TCTN2: variants seen among roughly 807,000 people sequenced by gnomAD.
TCTN2 encodes tectonic-2.
In TCTN2, 66 loss-of-function variants were observed where a neutral mutation model predicts 83.4. The observed-to-expected ratio is 0.79, with a 90% CI of 0.65 to 0.97. The LOEUF (loss-of-function observed/expected upper bound fraction) is 0.97. TCTN2 is among the 50% of genes least tolerant of loss of function. TCTN2 has a pLI of 0.00. For missense variants in TCTN2, 794 were observed against 858.1 expected (o/e 0.93, Z 0.93); for synonymous variants, 301 against 326.7 (o/e 0.92, Z 0.85).
At chr12:123,683,601 CCTTT>C (rs1420849452) in intron 5 of TCTN2, among the ~76,000 whole-genome samples, 1 of 151,718 alleles carries the variant, frequency 6.6e-6, no homozygotes, top group Non-Finnish European at 1.5e-5. Context: ...TTATTTTTAA[CCTTT>C]CTTTTTTAAC....
rs763886472 is a variant in TCTN2 at position 123,694,921 on chromosome 12, C to T, written c.1179C>T (p.Thr393=). 7 of 1,613,098 alleles carry T rather than the reference C, an allele frequency of 4.3e-6. No individual in the cohort carries two copies. The highest frequency in any genetic ancestry group is 5.1e-6 in the Non-Finnish European group (6 of 1,179,206). Residue 393 remains threonine (T), a synonymous_variant, in exon 10 of 18, where the codon ACC becomes ACT. Transcript: ENST00000303372. The stretch of plus-strand genomic sequence containing the variant: ...ATATTTTCAAATGGAATAATAATAC[C>T]ATCAGTGAAATAAATGTTAAAATTT... The part of the protein sequence containing the change: ...EHYIFKWNNN[T]ISEINVKIFR...
At chr12:123,701,194 C>T (rs975021700) in intron 14 of TCTN2, among the ~76,000 whole-genome samples, 2 of 152,126 alleles carry the variant, frequency 1.3e-5, no homozygotes, top group Non-Finnish European at 2.9e-5. Context: ...ATGCAATGTC[C>T]AGAATGGGCA....
chr12:123,676,869 C>T (rs1955829415), intron 4 of TCTN2, among the ~76,000 whole-genome samples: 1 of 151,994 alleles, frequency 6.6e-6, no homozygotes. Context: ...ATAGTAAAAC[C>T]CTATTCTGAA....
chr12:123,687,356 A>G (rs6488893), intron 6 of TCTN2, among the ~76,000 whole-genome samples: 54,591 of 152,034 alleles, frequency 0.36, 10,285 homozygotes, highest in African/African-American at 0.41. Context: ...TACATCTATG[A>G]TTTTTGTAAT....
intron 14 of TCTN2, chr12:123,700,262 C>T (rs963728035): frequency 1.1e-5 from 3 of 272,944 alleles, no homozygotes; most frequent in East Asian, 1.7e-4. Flanking sequence ...CTGCCCACCC[C>T]AACCTCTTAA....
At position 123,695,384 on chromosome 12, in the gene TCTN2, C is replaced by T. The variant is rs1956095876; in HGVS notation, c.1312+87C>T. ...CATCAGGATGGTTATAAGTAACTCT[C>T]TCCAATTTAGTTTCTGACTCTGACC... On this transcript the variant is annotated intron_variant, in intron 11 of 17. Coordinates refer to ENST00000303372, the MANE Select transcript of TCTN2 (RefSeq NM_024809.5). The T allele has an allele frequency of 7.7e-6, 7 of 905,712 alleles. 1 individual carries two copies. In the South Asian group the frequency reaches 9.5e-5, roughly 12 times the overall value. The allele number at this position is 905,712 out of a possible 1,614,324, so 56.1% of individuals were successfully genotyped here.
intron 9 of TCTN2, 100 bp downstream of exon 9, chr12:123,692,823 T>A: frequency 1.0e-6 from 1 of 956,710 alleles, no homozygotes; most frequent in Non-Finnish European, 1.7e-6. Flanking sequence ...GTTAGTCATT[T>A]AAAAAGGTTC....
intron 4 of TCTN2, among the ~76,000 whole-genome samples, chr12:123,675,582 C>T (rs1255682177): frequency 6.6e-6 from 1 of 152,156 alleles, no homozygotes; most frequent in Non-Finnish European, 1.5e-5. Flanking sequence ...ACTGTGCCCT[C>T]AGTGTACTTG....
In TCTN2 at chr12:123,697,171, G is replaced by A. The variant is rs1054235211; in HGVS notation, c.1478G>A (p.Gly493Glu). 2.5e-6 allele frequency: 4 copies of A among 1,613,750 alleles called. No homozygotes were observed. In the African/African-American group the frequency reaches 4.0e-5, roughly 16 times the overall value. The change falls in exon 13 of 18, where the codon GGG (glycine) becomes GAG (glutamate). Residue 493 changes from glycine to glutamate, a missense_variant. Gly to Glu is a moderately conservative substitution (Grantham distance 98). Coordinates refer to ENST00000303372, the MANE Select transcript of TCTN2 (RefSeq NM_024809.5). ...NVLSGCLLEV[G>E]INENCTQLRE... ...CTCTCTGGATGCCTGTTAGAAGTCGGGATTAATGAAAATTGTACTCAGCTC... is the reference window on the plus strand; with the variant it reads ...CTCTCTGGATGCCTGTTAGAAGTCGAGATTAATGAAAATTGTACTCAGCTC...
intron 7 of TCTN2, 77 bp from the exon 8 acceptor site, chr12:123,690,456 G>C: frequency 5.6e-6 from 9 of 1,605,716 alleles, no homozygotes; most frequent in Non-Finnish European, 7.7e-6. Context: ...AGAAAGACCA[G>C]TTTTAAGGGA....
At chr12:123,692,607 A>G (rs1956056678) in intron 8 of TCTN2, 51 bp from the exon 9 acceptor site, 5 of 1,390,486 alleles carry the variant, frequency 3.6e-6, no homozygotes, top group African/African-American at 1.4e-5. Context: ...AAGTGTGATC[A>G]TGGTAGGCCA....
chr12:123,707,562 G>A (rs759973021), intron 17 of TCTN2, 42 bp from the exon 18 acceptor site: 2 of 1,564,680 alleles, frequency 1.3e-6, no homozygotes, highest in African/African-American at 1.4e-5. Context: ...TATCAAAAGA[G>A]TTAAGAAATA....
chr12:123,673,399 A>T (rs1955779827), intron 3 of TCTN2, among the ~76,000 whole-genome samples: 1 of 152,176 alleles, frequency 6.6e-6, no homozygotes, highest in South Asian at 2.1e-4. Flanking sequence ...AGTATCCCGA[A>T]GTTGTTTGCT....
intron 3 of TCTN2, among the ~76,000 whole-genome samples, 162 bp from the exon 4 acceptor site, chr12:123,673,453 G>A (rs1229234771): frequency 6.6e-6 from 1 of 152,304 alleles, no homozygotes; most frequent in South Asian, 2.1e-4. Context: ...GTTACCATAG[G>A]TTTATGGGGG....
At chr12:123,697,860 CTTTTTT>C (rs536696616) in intron 13 of TCTN2, among the ~76,000 whole-genome samples, 1 of 136,538 alleles carries the variant, frequency 7.3e-6, no homozygotes, top group African/African-American at 2.7e-5. Flanking sequence ...GGGTGATTAA[CTTTTTT>C]TTTTTTTTTT....
chr12:123,698,782 T>C (rs2135851800), intron 13 of TCTN2, among the ~76,000 whole-genome samples: 1 of 151,768 alleles, frequency 6.6e-6, no homozygotes, highest in Non-Finnish European at 1.5e-5. Context: ...AGATGTGTAG[T>C]TCTTTGGGAA....
At chr12:123,703,764 A>G (rs1956198294) in intron 14 of TCTN2, among the ~76,000 whole-genome samples, 1 of 152,194 alleles carries the variant, frequency 6.6e-6, no homozygotes, top group South Asian at 2.1e-4. Flanking sequence ...TGCTAGGATT[A>G]TAGGCATGAG....
chr12:123,673,577 T>G (rs1566242902), intron 3 of TCTN2, 38 bp from the exon 4 acceptor site: 1 of 1,599,952 alleles, frequency 6.3e-7, no homozygotes, highest in South Asian at 1.1e-5. Flanking sequence ...GACCCTGTTT[T>G]GAGTCACTTT....
Position 123,697,860 on chromosome 12 carries a change from C to CT in TCTN2, c.1505+680dup, listed in dbSNP as rs536696616. On this transcript the variant is annotated intron_variant, in intron 13 of 17. Transcript: ENST00000303372. ...AGCAAAGTGTAACTGGGGTGATTAA[C>CT]TTTTTTTTTTTTTTTTTTGAGACAG... Among the ~76,000 whole-genome samples the CT allele has an allele frequency of 5.3e-3, 721 of 136,554 alleles. 3 individuals carry two copies. Among genetic ancestry groups the CT allele is most frequent in the African/African-American group, 0.011 (419 of 37,598 alleles). 89.6% of individuals were successfully genotyped at this position (136,554 alleles called of 152,430 possible).
Sources: allele counts gnomAD v4.1 joint callset (sites outside exome capture counted in the v4.1 genomes callset), GRCh38; gene constraint gnomAD v4.1.1; transcripts MANE v1.5; gene names NCBI Gene and HGNC (gene_info 2026-07-23, HGNC 2026-07-21).